The following MARCHF4 variants were observed in gnomAD, a reference collection of about 807,000 sequenced individuals.
MARCHF4 encodes E3 ubiquitin-protein ligase MARCHF4.
Under a neutral mutation model 43.9 loss-of-function variants are expected in MARCHF4, and 14 were observed. The observed-to-expected ratio is 0.32, with a 90% CI of 0.21 to 0.50. The LOEUF (loss-of-function observed/expected upper bound fraction) is 0.50, where lower values mean the gene tolerates loss of function less well. MARCHF4 is among the 20% of genes least tolerant of loss of function. The probability of loss-of-function intolerance (pLI) is 0.98; values close to 1 mark genes in which losing one functional copy is unlikely to be tolerated. For synonymous variants in MARCHF4, 226 were observed against 213.3 expected (o/e 1.06, Z -0.52); for missense variants, 468 against 536.7 (o/e 0.87, Z 1.27).
At chr2:216,298,271 T>G (rs977195187) in intron 1 of MARCHF4, among the ~76,000 whole-genome samples, 1 of 142,432 alleles carries the variant, frequency 7.0e-6, no homozygotes, top group Non-Finnish European at 1.5e-5. Flanking sequence ...TTTTTTTTTT[T>G]TTTTTTTTTT....
chr2:216,279,387 A>T (rs705656), intron 2 of MARCHF4, among the ~76,000 whole-genome samples: 1 of 152,218 alleles, frequency 6.6e-6, no homozygotes, highest in East Asian at 1.9e-4. Context: ...TAGAATATGC[A>T]GAGACTTTGT....
At position 216,320,651 on chromosome 2, in the gene MARCHF4, CTTTCTTTCTTTCTTTCTTTCTTTCTTTT is replaced by C. The variant is rs1425724528; in HGVS notation, c.517-36950_517-36923del. On this transcript the variant is annotated intron_variant, in intron 1 of 3. Transcript: ENST00000273067. Reference sequence around the variant, plus strand: ...TCTTTCTTTCTTTCTTTCTTTCTTTCTTTCTTTCTTTCTTTCTTTCTTTCTTTTTTTTTTTTTGAGATGGAGTCCCACT... The same window carrying C: ...TCTTTCTTTCTTTCTTTCTTTCTTTCTTTTTTTTTGAGATGGAGTCCCACT... Among the ~76,000 whole-genome samples, 24 of 118,668 alleles carry C rather than the reference CTTTCTTTCTTTCTTTCTTTCTTTCTTTT, an allele frequency of 2.0e-4. 1 individual carries two copies. Among genetic ancestry groups the C allele is most frequent in the African/African-American group, 9.4e-4 (24 of 25,576 alleles). The allele number at this position is 118,668 out of a possible 152,430, so 77.9% of individuals were successfully genotyped here.
chr2:216,349,095 G>C (rs1692362138), intron 1 of MARCHF4, among the ~76,000 whole-genome samples: 1 of 152,054 alleles, frequency 6.6e-6, no homozygotes, highest in Non-Finnish European at 1.5e-5. Flanking sequence ...AGAGCAAGAA[G>C]GTAAGCTCCT....
intron 1 of MARCHF4, among the ~76,000 whole-genome samples, chr2:216,301,652 G>A (rs1027004633): frequency 1.3e-5 from 2 of 152,136 alleles, no homozygotes; most frequent in Admixed American, 1.3e-4. Context: ...TTCTGCCATG[G>A]CAATTTCTGG....
chr2:216,313,939 T>C (rs1691731039), intron 1 of MARCHF4, among the ~76,000 whole-genome samples: 1 of 152,122 alleles, frequency 6.6e-6, no homozygotes, highest in Non-Finnish European at 1.5e-5. Context: ...GGGAAGTCAC[T>C]GCAGAGAGAA....
chr2:216,275,519 G>A (rs1016697282), intron 3 of MARCHF4, among the ~76,000 whole-genome samples: 14 of 152,298 alleles, frequency 9.2e-5, no homozygotes, highest in South Asian at 6.2e-4. Context: ...TGTGAGTCAG[G>A]AGACCTCACT....
chr2:216,369,002 G>A (rs1455432965), intron 1 of MARCHF4, among the ~76,000 whole-genome samples: 1 of 152,156 alleles, frequency 6.6e-6, no homozygotes, highest in Non-Finnish European at 1.5e-5. Context: ...GCATTTAAGG[G>A]ATTTTCTAAG....
chr2:216,301,649 A>G (rs1015712602), intron 1 of MARCHF4, among the ~76,000 whole-genome samples: 2 of 152,330 alleles, frequency 1.3e-5, no homozygotes, highest in Middle Eastern at 3.4e-3. Flanking sequence ...CCTTTCTGCC[A>G]TGGCAATTTC....
chr2:216,315,766 T>C (rs909824355), intron 1 of MARCHF4, among the ~76,000 whole-genome samples: 1 of 151,938 alleles, frequency 6.6e-6, no homozygotes, highest in East Asian at 1.9e-4. Flanking sequence ...ACTTTTTATA[T>C]CTTTATATTT....
At chr2:216,314,622 C>T (rs777559487) in intron 1 of MARCHF4, among the ~76,000 whole-genome samples, 1 of 152,090 alleles carries the variant, frequency 6.6e-6, no homozygotes, top group Non-Finnish European at 1.5e-5. Context: ...CGTGCTTGGC[C>T]TGTAACTACA....
chr2:216,350,700 C>G (rs1409092663), intron 1 of MARCHF4, among the ~76,000 whole-genome samples: 1 of 152,212 alleles, frequency 6.6e-6, no homozygotes, highest in Non-Finnish European at 1.5e-5. Context: ...TGGCCTCTGA[C>G]TCATGCAATC....
In MARCHF4 at chr2:216,369,874, C is replaced by T. The variant is rs1200020772; in HGVS notation, c.387G>A (p.Ser129=). 6 of 1,613,838 alleles carry T rather than the reference C, an allele frequency of 3.7e-6. No homozygotes were observed. The highest frequency in any genetic ancestry group is 4.2e-6 in the Non-Finnish European group (5 of 1,180,026). Residue 129 remains serine (S), a synonymous_variant, in exon 1 of 4, where the codon TCG becomes TCA. Transcript: ENST00000273067. ...CATCTGAGGAGGCACTGCTGAGCAG[C>T]GAGGCAGGTGGCTCTGTGGCTGGGC... The part of the protein sequence containing the change: ...WGGPATEPPA[S]LLSSASSDDF...
At chr2:216,312,666 T>C (rs914490764) in intron 1 of MARCHF4, among the ~76,000 whole-genome samples, 1 of 152,198 alleles carries the variant, frequency 6.6e-6, no homozygotes, top group Non-Finnish European at 1.5e-5. Flanking sequence ...TTGGTGTGTT[T>C]GTTAGCTGCT....
chr2:216,263,493 A>AAGAGAG (rs150783185), intron 3 of MARCHF4, among the ~76,000 whole-genome samples: 60 of 58,968 alleles, frequency 1.0e-3, no homozygotes, highest in African/African-American at 2.2e-3. Flanking sequence ...AGGAGAGAGA[A>AAGAGAG]AGAGAGAGAG....
chr2:216,262,033 G>T (rs896004321), intron 3 of MARCHF4, among the ~76,000 whole-genome samples: 5 of 152,144 alleles, frequency 3.3e-5, no homozygotes, highest in African/African-American at 7.2e-5. Context: ...GAGGGAGAAT[G>T]ATAGAAATGA....
At chr2:216,310,349 C>T (rs1021493776) in intron 1 of MARCHF4, among the ~76,000 whole-genome samples, 2 of 152,092 alleles carry the variant, frequency 1.3e-5, no homozygotes, top group African/African-American at 2.4e-5. Flanking sequence ...GCAGCCTCAA[C>T]CTTCTGGGCT....
At chr2:216,280,925 T>C (rs1691116371) in intron 2 of MARCHF4, among the ~76,000 whole-genome samples, 1 of 152,086 alleles carries the variant, frequency 6.6e-6, no homozygotes, top group South Asian at 2.1e-4. Flanking sequence ...GAAGCAGCCA[T>C]GAAACCTTTA....
chr2:216,294,524 A>T (rs1691360119), intron 1 of MARCHF4, among the ~76,000 whole-genome samples: 1 of 152,228 alleles, frequency 6.6e-6, no homozygotes, highest in African/African-American at 2.4e-5. Flanking sequence ...GAAAAGCAAG[A>T]TCTTTCCTAA....
At chr2:216,328,305 G>A (rs1692028194) in intron 1 of MARCHF4, among the ~76,000 whole-genome samples, 1 of 152,202 alleles carries the variant, frequency 6.6e-6, no homozygotes, top group African/African-American at 2.4e-5. Context: ...AAGTAGCTGA[G>A]ATTACAAGTG....
Sources: gnomAD v4.1 joint callset for allele counts (sites outside exome capture counted in the v4.1 genomes callset) on GRCh38, gnomAD v4.1.1 for gene constraint, MANE v1.5 for transcripts, NCBI Gene and HGNC (gene_info 2026-07-23, HGNC 2026-07-21) for gene names.